Variants in CC2D2B observed in about 807,000 individuals in gnomAD.
CC2D2B encodes coiled-coil and C2 domain containing 2B, also known as protein CC2D2B.
CC2D2B carries 128 observed loss-of-function variants against 161.2 expected under a neutral mutation model. That is an observed-to-expected ratio of 0.79 (90% CI 0.69 to 0.92). The LOEUF (loss-of-function observed/expected upper bound fraction) is 0.92. CC2D2B is among the 40% of genes least tolerant of loss of function. The pLI is 0.00. For synonymous variants in CC2D2B, 391 were observed against 449.8 expected, an observed-to-expected ratio of 0.87 and a Z score of 1.65; for missense variants, 1,173 against 1,375.1, an observed-to-expected ratio of 0.85 and a Z score of 2.32.
chr10:95,955,230 TC>T (rs2076533088), intron 10 of CC2D2B, among the ~76,000 whole-genome samples, 163 bp from the exon 11 acceptor site: 1 of 152,026 alleles, frequency 6.6e-6, no homozygotes, highest in South Asian at 2.1e-4. Context: ...TCTCAGTTCC[TC>T]CCCAAGGTGC....
At chr10:95,982,832 T>C (rs2077578747) in intron 18 of CC2D2B, among the ~76,000 whole-genome samples, 1 of 152,216 alleles carries the variant, frequency 6.6e-6, no homozygotes, top group Admixed American at 6.5e-5. Flanking sequence ...AGTACAGTGG[T>C]GCGATCTCGG....
chr10:95,972,398 T>C (rs2077166860), intron 16 of CC2D2B, among the ~76,000 whole-genome samples, 182 bp downstream of exon 16: 1 of 152,180 alleles, frequency 6.6e-6, no homozygotes, highest in South Asian at 2.1e-4. Context: ...CTCAGCTCAC[T>C]GCAACCTCCA....
At chr10:95,992,984 A>G (rs2078014550) in intron 22 of CC2D2B, 2 of 208,938 alleles carry the variant, frequency 9.6e-6, no homozygotes, top group Non-Finnish European at 1.9e-5. Flanking sequence ...CTTTGTCTCT[A>G]TTCCCTGTTG....
chr10:95,970,239 G>A (rs548557965), intron 15 of CC2D2B, among the ~76,000 whole-genome samples: 6 of 151,932 alleles, frequency 3.9e-5, no homozygotes, highest in Admixed American at 2.0e-4. Flanking sequence ...TCACCATGTC[G>A]GCCAGGCTGG....
chr10:95,993,621 C>G (rs890550376), intron 22 of CC2D2B, among the ~76,000 whole-genome samples: 3 of 150,364 alleles, frequency 2.0e-5, no homozygotes, highest in Admixed American at 6.6e-5. Flanking sequence ...ATTTCAAAGG[C>G]TGTTTTGTGA....
intron 24 of CC2D2B, among the ~76,000 whole-genome samples, chr10:95,999,452 CT>C (rs999947694): frequency 2.3e-4 from 34 of 147,612 alleles, no homozygotes; most frequent in Admixed American, 5.4e-4. Context: ...GTCTGTTTTT[CT>C]TTTTTTTTTC....
chr10:95,922,334 C>T lies in CC2D2B; in HGVS notation c.97+258C>T, dbSNP rs866141169. Among the ~76,000 whole-genome samples, 9 of 152,194 alleles carry T rather than the reference C, an allele frequency of 5.9e-5. No homozygotes were observed. In the Middle Eastern group the frequency reaches 0.01, roughly 173 times the overall value. On this transcript the variant is annotated intron_variant, in intron 3 of 34. Transcript: ENST00000646931. ...CACTGGCGGTGAGACTGTTTTAGAC[C>T]ACAAAGATACATAGGTGCAGAACCT...
intron 20 of CC2D2B, 118 bp from the exon 21 acceptor site, chr10:95,991,252 A>C (rs955016769): frequency 8.6e-6 from 3 of 350,046 alleles, no homozygotes; most frequent in Non-Finnish European, 1.5e-5. Context: ...CTAATCTCCT[A>C]CTCCATTCAT....
chr10:95,924,496 G>T (rs1590359476), intron 4 of CC2D2B, 106 bp downstream of exon 4: 1 of 611,954 alleles, frequency 1.6e-6, no homozygotes, highest in South Asian at 2.5e-5. Context: ...TGTTAATATA[G>T]CTCCTTAATT....
intron 2 of CC2D2B, chr10:95,920,116 T>G (rs1051328731): frequency 2.0e-5 from 3 of 152,178 alleles, no homozygotes; most frequent in African/African-American, 7.2e-5. Context: ...ACCTAAGGTC[T>G]GGAATCAGAG....
At chr10:95,910,301 G>A (rs2141088340) in intron 1 of CC2D2B, among the ~76,000 whole-genome samples, 1 of 152,296 alleles carries the variant, frequency 6.6e-6, no homozygotes, top group Non-Finnish European at 1.5e-5. Context: ...AGAATACTGG[G>A]TAATTTATAA....
At chr10:95,916,258 A>G (rs2098516174) in intron 2 of CC2D2B, among the ~76,000 whole-genome samples, 1 of 151,316 alleles carries the variant, frequency 6.6e-6, no homozygotes, top group Admixed American at 6.6e-5. Flanking sequence ...CTCCTTTTTC[A>G]TTTCTGATTT....
chr10:96,015,841 T>C (rs1251156080), intron 29 of CC2D2B, among the ~76,000 whole-genome samples: 1 of 152,204 alleles, frequency 6.6e-6, no homozygotes, highest in Non-Finnish European at 1.5e-5. Flanking sequence ...TATGATTCCC[T>C]ATCAGATAAG....
chr10:95,944,240 TATC>T (rs2076119678), intron 9 of CC2D2B, among the ~76,000 whole-genome samples: 1 of 152,194 alleles, frequency 6.6e-6, no homozygotes, highest in East Asian at 1.9e-4. Flanking sequence ...ACAAGGTGCT[TATC>T]ATACCATGAG....
At chr10:95,924,648 T>C in intron 4 of CC2D2B, 131 bp from the exon 5 acceptor site, 1 of 643,224 alleles carries the variant, frequency 1.6e-6, no homozygotes, top group Non-Finnish European at 2.7e-6. Context: ...TCTGCTGATA[T>C]TTCATGTACA....
chr10:95,958,744 C>A (rs2076663229), intron 11 of CC2D2B, among the ~76,000 whole-genome samples: 1 of 151,786 alleles, frequency 6.6e-6, no homozygotes, highest in Non-Finnish European at 1.5e-5. Flanking sequence ...ACAAACAGAG[C>A]CTAAGAGACC....
At position 95,928,278 on chromosome 10, in the gene CC2D2B, GT is replaced by G. The variant is rs540316373; in HGVS notation, c.336+947del. Among the ~76,000 whole-genome samples the G allele has an allele frequency of 8.6e-5, 13 of 151,648 alleles. 1 individual carries two copies. In the South Asian group the frequency reaches 2.7e-3, roughly 32 times the overall value. On this transcript the variant is annotated intron_variant, in intron 6 of 34. Coordinates refer to ENST00000646931, the MANE Select transcript of CC2D2B (RefSeq NM_001349008.3). Reference sequence around the variant, plus strand: ...ATTTTGAACAAGTAAAACATACACAGTATAAAAACGTAATGCAGAAAGCCAC... The same window carrying G: ...ATTTTGAACAAGTAAAACATACACAGATAAAAACGTAATGCAGAAAGCCAC...
At chr10:95,984,977 G>A (rs1156784914) in intron 19 of CC2D2B, among the ~76,000 whole-genome samples, 1 of 151,838 alleles carries the variant, frequency 6.6e-6, no homozygotes, top group African/African-American at 2.4e-5. Flanking sequence ...AAAATAAATA[G>A]CATCTAATAT....
chr10:95,946,867 C>CAT (rs2076214293), intron 9 of CC2D2B, among the ~76,000 whole-genome samples: 1 of 151,622 alleles, frequency 6.6e-6, no homozygotes. Flanking sequence ...AAGAGCATAT[C>CAT]ATATTACACC....
Sources: gnomAD v4.1 joint callset for allele counts (sites outside exome capture counted in the v4.1 genomes callset) on GRCh38, gnomAD v4.1.1 for gene constraint, MANE v1.5 for transcripts, NCBI Gene and HGNC (gene_info 2026-07-23, HGNC 2026-07-21) for gene names.